Variants in CFAP20DC observed in about 807,000 individuals in gnomAD.
CFAP20DC encodes the protein CFAP20 domain containing.
In CFAP20DC, 84 loss-of-function variants were observed where a neutral mutation model predicts 101.7. The ratio of observed to expected loss-of-function variants is 0.83; its 90% confidence interval spans 0.69 to 0.99. The LOEUF (loss-of-function observed/expected upper bound fraction) is 0.99, where lower values mean the gene tolerates loss of function less well. Ranked by LOEUF, CFAP20DC falls within the 50% of genes least tolerant of loss-of-function variation. The pLI is 0.00. For missense variants in CFAP20DC, 1,007 were observed against 970.3 expected (o/e 1.04, Z -0.50); for synonymous variants, 359 against 351.2 (o/e 1.02, Z -0.25).
chr3:58,948,474 G>A lies in CFAP20DC; in HGVS notation c.279-10712C>T, dbSNP rs964951416. On this transcript the variant is annotated intron_variant, in intron 4 of 16. Coordinates refer to ENST00000482387, the MANE Select transcript of CFAP20DC (RefSeq NM_001394063.1). ...GGTCCATGACTATAGTCCACTTTAT[G>A]AGCCATGAACTGATGCAAATATGCA... Among the ~76,000 whole-genome samples, 22 of 152,204 alleles carry A rather than the reference G, an allele frequency of 1.4e-4. No homozygotes were observed. The South Asian group carries it at 1.5e-3, about 10-fold the overall frequency.
chr3:58,893,120 T>C (rs1311655010), intron 6 of CFAP20DC, among the ~76,000 whole-genome samples: 23 of 151,520 alleles, frequency 1.5e-4, no homozygotes, highest in East Asian at 3.9e-4. Flanking sequence ...CTCAGCTCAC[T>C]GCAATCTCTG....
rs920555160 is a variant in CFAP20DC at position 59,039,663 on chromosome 3, C to T, written c.206-34G>A. On this transcript the variant is annotated intron_variant, in intron 3 of 16. Transcript: ENST00000482387. The stretch of plus-strand genomic sequence containing the variant: ...AAGAGGAAATACACATTCAAATGTT[C>T]GAAGCATTTATATGTGCATATAAAC... The T allele has an allele frequency of 8.9e-5, 120 of 1,341,046 alleles. 1 individual carries two copies. In the East Asian group the frequency reaches 2.7e-3, roughly 30 times the overall value. 83.1% of individuals were successfully genotyped at this position (1,341,046 alleles called of 1,614,324 possible). A position where few individuals can be genotyped will look rare whatever the true frequency, so the allele number is the denominator to read the frequency against.
intron 13 of CFAP20DC, among the ~76,000 whole-genome samples, chr3:58,835,762 T>C (rs2076695634): frequency 6.6e-6 from 1 of 152,170 alleles, no homozygotes; most frequent in Non-Finnish European, 1.5e-5. Context: ...ATCTCCCAAA[T>C]CATTTCAAAA....
chr3:58,947,010 G>C (rs1376245102), intron 4 of CFAP20DC, among the ~76,000 whole-genome samples: 2 of 152,154 alleles, frequency 1.3e-5, no homozygotes, highest in Non-Finnish European at 2.9e-5. Flanking sequence ...ACTTGTTCAA[G>C]GTCTCATAGA....
rs190423592 is a variant in CFAP20DC, at chr3:58,982,284, A to G, written c.279-44522T>C. On this transcript the variant is annotated intron_variant, in intron 4 of 16. Transcript: ENST00000482387. ...GGGACTGTAAACTAGTTTGTAAACCATTTTGGAAGTCAGTGTGGCGATTCC... is the reference window on the plus strand; with the variant it reads ...GGGACTGTAAACTAGTTTGTAAACCGTTTTGGAAGTCAGTGTGGCGATTCC... 9.2e-5 allele frequency among the ~76,000 whole-genome samples: 14 copies of G among 152,332 alleles called. No individual in the cohort carries two copies. In the East Asian group the frequency reaches 2.3e-3, roughly 25 times the overall value.
chr3:59,039,992 A>G (rs2094169501), intron 3 of CFAP20DC, among the ~76,000 whole-genome samples: 1 of 152,052 alleles, frequency 6.6e-6, no homozygotes, highest in Non-Finnish European at 1.5e-5. Flanking sequence ...CAAGGCAGCC[A>G]TAAAAGCATG....
chr3:59,013,394 A>C (rs1458977450), intron 4 of CFAP20DC, among the ~76,000 whole-genome samples: 1 of 152,194 alleles, frequency 6.6e-6, no homozygotes. Context: ...CAGTTCACTT[A>C]TGTTATTAAT....
Position 58,794,237 on chromosome 3 carries a change from T to C in CFAP20DC, c.2237+12158A>G, listed in dbSNP as rs889642816. Reference sequence around the variant, plus strand: ...CTTGTTTCAGAATATAGTTTTTTTTTCCCATGCCTACACCAAACATCCAAC... The same window carrying C: ...CTTGTTTCAGAATATAGTTTTTTTTCCCCATGCCTACACCAAACATCCAAC... On this transcript the variant is annotated intron_variant, in intron 15 of 16. Transcript: ENST00000482387. 29 of 397,930 alleles carry C rather than the reference T, an allele frequency of 7.3e-5. 1 individual carries two copies. The East Asian group carries it at 1.4e-3, about 19-fold the overall frequency. The allele number at this position is 397,930 out of a possible 1,614,324, so 24.6% of individuals were successfully genotyped here.
At chr3:58,911,960 T>C (rs2084202535) in intron 6 of CFAP20DC, among the ~76,000 whole-genome samples, 1 of 152,150 alleles carries the variant, frequency 6.6e-6, no homozygotes, top group African/African-American at 2.4e-5. Context: ...CTGCAAATTC[T>C]TGAGCCTCTC....
At chr3:59,026,371 T>C (rs927433222) in intron 4 of CFAP20DC, among the ~76,000 whole-genome samples, 1 of 152,180 alleles carries the variant, frequency 6.6e-6, no homozygotes, top group Admixed American at 6.5e-5. Flanking sequence ...ATAAAAGATT[T>C]CACTGGATAA....
At chr3:58,734,639 T>C (rs3762703) in intron 3 of CFAP20DC, 37,999 of 452,502 alleles carry the variant, frequency 0.084, 2,952 homozygotes, top group East Asian at 0.36. Context: ...CAAAGCTCCC[T>C]GGGCAGGTGC....
chr3:58,807,037 G>A (rs2074132863), intron 14 of CFAP20DC, among the ~76,000 whole-genome samples: 1 of 152,162 alleles, frequency 6.6e-6, no homozygotes, highest in Non-Finnish European at 1.5e-5. Flanking sequence ...CCATTGCCCA[G>A]ACTTGCTTAG....
chr3:58,759,913 T>TG (rs2069376375), intron 15 of CFAP20DC, among the ~76,000 whole-genome samples: 1 of 152,182 alleles, frequency 6.6e-6, no homozygotes, highest in Non-Finnish European at 1.5e-5. Context: ...TTGGTACCAG[T>TG]ACCATGCTGT....
At chr3:59,036,873 T>G (rs937852318) in intron 4 of CFAP20DC, among the ~76,000 whole-genome samples, 36 of 152,204 alleles carry the variant, frequency 2.4e-4, no homozygotes, top group African/African-American at 8.7e-4. Flanking sequence ...GCTACCTGAC[T>G]TCTACCTATA....
At chr3:58,941,724 G>A (rs993775538) in intron 4 of CFAP20DC, among the ~76,000 whole-genome samples, 1 of 151,884 alleles carries the variant, frequency 6.6e-6, no homozygotes, top group African/African-American at 2.4e-5. Flanking sequence ...GCCCGCCACT[G>A]CCCTCGGCTA....
At chr3:58,825,141 T>C (rs1173774190) in intron 14 of CFAP20DC, among the ~76,000 whole-genome samples, 2 of 152,190 alleles carry the variant, frequency 1.3e-5, no homozygotes, top group Non-Finnish European at 2.9e-5. Flanking sequence ...AGTCAGTCTG[T>C]ATGCTGATGG....
intron 4 of CFAP20DC, among the ~76,000 whole-genome samples, chr3:58,949,971 G>A (rs2089901350): frequency 6.6e-6 from 1 of 152,156 alleles, no homozygotes; most frequent in South Asian, 2.1e-4. Context: ...GGAAAAGAGG[G>A]AGTCCAGTTG....
chr3:58,822,353 C>G (rs187798786), intron 14 of CFAP20DC, among the ~76,000 whole-genome samples: 1 of 141,364 alleles, frequency 7.1e-6, no homozygotes, highest in East Asian at 2.1e-4. Context: ...AACCAAACAC[C>G]GCATATTCTC....
At chr3:58,810,163 A>G (rs2074488380) in intron 14 of CFAP20DC, among the ~76,000 whole-genome samples, 1 of 152,174 alleles carries the variant, frequency 6.6e-6, no homozygotes, top group Non-Finnish European at 1.5e-5. Flanking sequence ...AAACTATTCC[A>G]ATCAATAGAA....
Sources: gnomAD v4.1 joint callset for allele counts (sites outside exome capture counted in the v4.1 genomes callset) on GRCh38, gnomAD v4.1.1 for gene constraint, MANE v1.5 for transcripts, NCBI Gene and HGNC (gene_info 2026-07-23, HGNC 2026-07-21) for gene names.